TENM2: variants seen among roughly 807,000 people sequenced by gnomAD.
TENM2 encodes teneurin-2.
A neutral mutation model predicts 245.2 loss-of-function variants in TENM2; 52 were observed. The ratio of observed to expected loss-of-function variants is 0.21; its 90% confidence interval spans 0.17 to 0.27. TENM2 has a LOEUF of 0.27. Among genes scored for constraint, TENM2 ranks in the 10% least tolerant of loss-of-function variants. The probability of loss-of-function intolerance (pLI) is 1.00; values close to 1 mark genes in which losing one functional copy is unlikely to be tolerated. For missense variants in TENM2, 3,046 were observed against 3,666.8 expected (o/e 0.83, Z 4.37); for synonymous variants, 1,363 against 1,438.9 (o/e 0.95, Z 1.19).
the TENM2 span, among the ~76,000 whole-genome samples, chr5:167,033,270 G>C: frequency 6.6e-6 from 1 of 152,140 alleles, no homozygotes; most frequent in Non-Finnish European, 1.5e-5. Flanking sequence ...AGTTCACTTC[G>C]TAAAACAATG....
chr5:168,042,116 AC>A (rs1309524772), intron 5 of TENM2, among the ~76,000 whole-genome samples: 1 of 151,938 alleles, frequency 6.6e-6, no homozygotes, highest in Non-Finnish European at 1.5e-5. Flanking sequence ...CTGTCATCCT[AC>A]CTGGTCTCTG....
At chr5:168,175,318 A>G (rs1014795835) in intron 13 of TENM2, among the ~76,000 whole-genome samples, 5 of 152,192 alleles carry the variant, frequency 3.3e-5, no homozygotes, top group Non-Finnish European at 5.9e-5. Context: ...TCAAAAACTC[A>G]TCATTTCAAA....
chr5:167,809,862 C>G (rs1212628398), intron 2 of TENM2, among the ~76,000 whole-genome samples: 2 of 152,064 alleles, frequency 1.3e-5, no homozygotes, highest in East Asian at 1.9e-4. Context: ...GAAAGAGAAA[C>G]TAAAAATAAT....
intron 2 of TENM2, among the ~76,000 whole-genome samples, chr5:167,780,540 T>C (rs979044442): frequency 1.3e-5 from 2 of 152,204 alleles, no homozygotes; most frequent in African/African-American, 4.8e-5. Flanking sequence ...TTGAGTGCTG[T>C]CTGGTGATCC....
chr5:167,459,149 T>A (rs945678579), intron 2 of TENM2, among the ~76,000 whole-genome samples: 9 of 152,188 alleles, frequency 5.9e-5, no homozygotes, highest in African/African-American at 2.2e-4. Context: ...AACTGCCCTA[T>A]TTCCCCCTTC....
intron 2 of TENM2, among the ~76,000 whole-genome samples, chr5:167,831,809 C>A (rs891409542): frequency 6.6e-6 from 1 of 152,106 alleles, no homozygotes; most frequent in African/African-American, 2.4e-5. Flanking sequence ...CAATTTGCTG[C>A]ATAAGGATGA....
intron 6 of TENM2, among the ~76,000 whole-genome samples, chr5:168,055,527 C>G (rs943484083): frequency 5.3e-4 from 80 of 152,242 alleles, no homozygotes; most frequent in African/African-American, 1.9e-3. Context: ...TCCCAGTCTG[C>G]AGATGTACTG....
At chr5:167,744,159 C>G (rs1032647499) in intron 2 of TENM2, among the ~76,000 whole-genome samples, 2 of 152,130 alleles carry the variant, frequency 1.3e-5, no homozygotes, top group African/African-American at 4.8e-5. Flanking sequence ...GGTGATTATC[C>G]TGAAATCTAT....
intron 25 of TENM2, chr5:168,229,940 T>A (rs1764685254): frequency 6.6e-6 from 1 of 152,382 alleles, no homozygotes; most frequent in South Asian, 2.1e-4. Flanking sequence ...ATTTTTGATA[T>A]GCTGCACTGT....
At chr5:167,109,330 C>T in the TENM2 span, among the ~76,000 whole-genome samples, 2 of 151,020 alleles carry the variant, frequency 1.3e-5, no homozygotes, top group Admixed American at 6.6e-5. Flanking sequence ...GAAATGTTCA[C>T]CGAGAAAAAG....
chr5:167,706,567 A>T (rs904427782), intron 2 of TENM2, among the ~76,000 whole-genome samples: 1 of 151,986 alleles, frequency 6.6e-6, no homozygotes, highest in Non-Finnish European at 1.5e-5. Context: ...GGGAGCACAA[A>T]TATCTCTTTA....
chr5:168,116,102 G>A (rs978049757), intron 9 of TENM2, among the ~76,000 whole-genome samples: 1 of 152,058 alleles, frequency 6.6e-6, no homozygotes, highest in Non-Finnish European at 1.5e-5. Flanking sequence ...TCTTAATTGG[G>A]CACCCTGGGT....
chr5:167,051,690 A>C, the TENM2 span, among the ~76,000 whole-genome samples: 1 of 152,200 alleles, frequency 6.6e-6, no homozygotes, highest in Non-Finnish European at 1.5e-5. Flanking sequence ...GCAGCTTTTT[A>C]TATTGGTACA....
chr5:167,544,216 A>G (rs1772399525), intron 2 of TENM2, among the ~76,000 whole-genome samples: 1 of 152,168 alleles, frequency 6.6e-6, no homozygotes, highest in East Asian at 1.9e-4. Flanking sequence ...GTGTGAATAG[A>G]TATATAAATG....
chr5:167,764,666 G>A (rs1414934920), intron 2 of TENM2, among the ~76,000 whole-genome samples: 2 of 152,116 alleles, frequency 1.3e-5, no homozygotes, highest in Non-Finnish European at 2.9e-5. Context: ...GAGACGGTGG[G>A]CCGGTGAGGA....
the TENM2 span, among the ~76,000 whole-genome samples, chr5:167,069,690 A>G: frequency 6.6e-6 from 1 of 152,212 alleles, no homozygotes; most frequent in African/African-American, 2.4e-5. Context: ...ATGCTCGCCA[A>G]AGTGTAAGCA....
At chr5:167,606,379 G>A (rs891870784) in intron 2 of TENM2, among the ~76,000 whole-genome samples, 1 of 152,014 alleles carries the variant, frequency 6.6e-6, no homozygotes, top group Non-Finnish European at 1.5e-5. Flanking sequence ...GGGAGAAGGG[G>A]ACATGGGGAG....
rs1757244701 is a variant in TENM2, at chr5:167,688,910, T to G, written c.503-187076T>G. 2.6e-5 allele frequency among the ~76,000 whole-genome samples: 4 copies of G among 152,240 alleles called. No individual in the cohort carries two copies. The South Asian group carries it at 8.3e-4, about 31-fold the overall frequency. On this transcript the variant is annotated intron_variant, in intron 2 of 28. Transcript: ENST00000518659. ...AAGGTACACTCTGGGTGATTAAATG[T>G]GGTCATAAGTTTACACTAAATGCTG... is the stretch of plus-strand genomic sequence containing the variant.
At chr5:167,582,228 C>G (rs1227787010) in intron 2 of TENM2, among the ~76,000 whole-genome samples, 9 of 152,118 alleles carry the variant, frequency 5.9e-5, no homozygotes, top group African/African-American at 1.9e-4. Context: ...TTCAATCAAG[C>G]AAAGAATGTG....
Sources: allele counts gnomAD v4.1 joint callset (sites outside exome capture counted in the v4.1 genomes callset), GRCh38; gene constraint gnomAD v4.1.1; transcripts MANE v1.5; gene names NCBI Gene and HGNC (gene_info 2026-07-23, HGNC 2026-07-21).